Variants in MPP7 observed in about 807,000 individuals in gnomAD.
MPP7 encodes MAGUK p55 subfamily member 7.
Under a neutral mutation model 76.5 loss-of-function variants are expected in MPP7, and 60 were observed. The ratio of observed to expected loss-of-function variants is 0.78; its 90% CI spans 0.64 to 0.97. The LOEUF (loss-of-function observed/expected upper bound fraction) is 0.97, where lower values mean the gene tolerates loss of function less well. MPP7 is among the 50% of genes least tolerant of loss of function. The pLI, the probability that MPP7 is intolerant of heterozygous loss-of-function variation, is 0.00. For synonymous variants in MPP7, 237 were observed against 244.5 expected (o/e 0.97, Z 0.29); for missense variants, 641 against 694.0 (o/e 0.92, Z 0.86).
intron 1 of MPP7, among the ~76,000 whole-genome samples, chr10:28,279,875 A>G (rs974411641): frequency 3.3e-5 from 5 of 152,038 alleles, no homozygotes; most frequent in Non-Finnish European, 7.3e-5. Flanking sequence ...CACAAGAAAA[A>G]TCAAGTCTAA....
intron 2 of MPP7, 148 bp from the exon 3 acceptor site, chr10:28,202,419 A>G: frequency 1.7e-6 from 1 of 575,632 alleles, no homozygotes; most frequent in Middle Eastern, 4.2e-4. Flanking sequence ...CAAAGAACCA[A>G]AGGGGAATTT....
intron 1 of MPP7, chr10:28,281,869 A>G (rs1449632245): frequency 6.6e-6 from 1 of 152,124 alleles, no homozygotes; most frequent in Non-Finnish European, 1.5e-5. Flanking sequence ...ATTCTTAACC[A>G]TTAGGACGTA....
chr10:28,211,290 T>C (rs760679275), intron 2 of MPP7, among the ~76,000 whole-genome samples: 3 of 152,118 alleles, frequency 2.0e-5, no homozygotes, highest in Non-Finnish European at 2.9e-5. Flanking sequence ...TAAAGGTATA[T>C]GTGCTTTTCC....
chr10:28,193,018 T>C (rs181477484), intron 3 of MPP7, among the ~76,000 whole-genome samples: 54 of 152,316 alleles, frequency 3.5e-4, no homozygotes, highest in African/African-American at 1.3e-3. Flanking sequence ...AAAAGAATGG[T>C]CTTTTCAACA....
At chr10:28,193,447 A>C (rs1266872249) in intron 3 of MPP7, among the ~76,000 whole-genome samples, 1 of 151,928 alleles carries the variant, frequency 6.6e-6, no homozygotes, top group African/African-American at 2.4e-5. Context: ...TCCTGACCTC[A>C]TGATCCGCCC....
intron 1 of MPP7, among the ~76,000 whole-genome samples, chr10:28,332,269 G>C (rs1415657865): frequency 1.3e-5 from 2 of 151,882 alleles, no homozygotes; most frequent in African/African-American, 4.8e-5. Context: ...GTGTGTGTGT[G>C]TGTGTGTGTT....
intron 5 of MPP7, among the ~76,000 whole-genome samples, chr10:28,141,731 T>C (rs2985525): frequency 1.8e-4 from 27 of 152,122 alleles, no homozygotes; most frequent in African/African-American, 6.5e-4. Flanking sequence ...AAATTGCCAC[T>C]GTCTCTGGAA....
At chr10:28,121,845 T>C (rs966599703) in intron 8 of MPP7, among the ~76,000 whole-genome samples, 1 of 151,268 alleles carries the variant, frequency 6.6e-6, no homozygotes, top group African/African-American at 2.4e-5. Flanking sequence ...GTGTACTGTC[T>C]GTCAATTTCC....
intron 6 of MPP7, among the ~76,000 whole-genome samples, chr10:28,127,553 A>G (rs1432451251): frequency 6.6e-6 from 1 of 152,210 alleles, no homozygotes; most frequent in African/African-American, 2.4e-5. Context: ...GGATGGCAGC[A>G]GGCAAACAGA....
chr10:28,253,557 G>C (rs1184917812), intron 1 of MPP7, among the ~76,000 whole-genome samples: 1 of 152,128 alleles, frequency 6.6e-6, no homozygotes, highest in Non-Finnish European at 1.5e-5. Flanking sequence ...TAGAAACAGT[G>C]TTTACTAATA....
intron 2 of MPP7, among the ~76,000 whole-genome samples, chr10:28,237,717 C>T (rs1248715920): frequency 6.6e-6 from 1 of 152,082 alleles, no homozygotes; most frequent in Non-Finnish European, 1.5e-5. Context: ...TCAGGATGGC[C>T]CATATAAAAC....
chr10:28,185,744 T>C (rs944483996), intron 3 of MPP7, among the ~76,000 whole-genome samples: 3 of 152,208 alleles, frequency 2.0e-5, no homozygotes, highest in Admixed American at 2.0e-4. Flanking sequence ...CTCGTAATTC[T>C]TATTTTTTTC....
chr10:28,154,871 C>T (rs1024873852), intron 3 of MPP7, among the ~76,000 whole-genome samples: 23 of 152,170 alleles, frequency 1.5e-4, no homozygotes, highest in African/African-American at 4.3e-4. Flanking sequence ...ATGAGAGCTG[C>T]CATTCTTCAA....
intron 11 of MPP7, among the ~76,000 whole-genome samples, chr10:28,110,381 C>T (rs1191090975): frequency 2.6e-5 from 4 of 152,078 alleles, no homozygotes; most frequent in South Asian, 2.1e-4. Context: ...TGAGCCACTA[C>T]GCCCGACCTA....
intron 11 of MPP7, among the ~76,000 whole-genome samples, chr10:28,107,409 C>T (rs1481472457): frequency 6.6e-6 from 1 of 152,046 alleles, no homozygotes; most frequent in Non-Finnish European, 1.5e-5. Flanking sequence ...TGAATATAGG[C>T]CCTTAAAGTT....
chr10:28,328,706 C>G (rs1148186), intron 2 of MPP7, among the ~76,000 whole-genome samples: 39,096 of 151,724 alleles, frequency 0.26, 6,883 homozygotes, highest in African/African-American at 0.5. Flanking sequence ...CTTCTAATAC[C>G]TTTTAGTTAT....
At chr10:28,243,417 A>AT (rs1839336629) in intron 1 of MPP7, among the ~76,000 whole-genome samples, 1 of 149,432 alleles carries the variant, frequency 6.7e-6, no homozygotes, top group African/African-American at 2.5e-5. Context: ...TTTTTTTGGC[A>AT]TTTTGTATCA....
intron 1 of MPP7, among the ~76,000 whole-genome samples, chr10:28,258,962 G>T (rs1839869777): frequency 6.6e-6 from 1 of 152,114 alleles, no homozygotes; most frequent in Admixed American, 6.6e-5. Context: ...AAAAGAAAGA[G>T]CCTTTGTGTA....
intron 1 of MPP7, among the ~76,000 whole-genome samples, chr10:28,262,087 T>C (rs1047144595): frequency 1.0e-4 from 15 of 149,464 alleles, no homozygotes; most frequent in African/African-American, 3.2e-4. Context: ...GGACCAGAGG[T>C]TGCAGTGAGC....
Sources: gnomAD v4.1 joint callset for allele counts (sites outside exome capture counted in the v4.1 genomes callset) on GRCh38, gnomAD v4.1.1 for gene constraint, MANE v1.5 for transcripts, NCBI Gene and HGNC (gene_info 2026-07-23, HGNC 2026-07-21) for gene names.